Variants in BEND7 observed in about 807,000 individuals in gnomAD.
The protein encoded by BEND7 is BEN domain containing 7.
A neutral mutation model predicts 50.9 loss-of-function variants in BEND7; 28 were observed. The observed-to-expected ratio is 0.55, with a 90% CI of 0.41 to 0.75. The LOEUF (loss-of-function observed/expected upper bound fraction) is 0.75. Among genes scored for constraint, BEND7 ranks in the 30% least tolerant of loss-of-function variants. The probability of loss-of-function intolerance (pLI) is 0.00; values close to 1 mark genes in which losing one functional copy is unlikely to be tolerated. For synonymous variants in BEND7, 170 were observed against 183.9 expected (o/e 0.92, Z 0.61); for missense variants, 477 against 491.3 (o/e 0.97, Z 0.28).
intron 5 of BEND7, among the ~76,000 whole-genome samples, chr10:13,489,973 A>G (rs2076530813): frequency 6.6e-6 from 1 of 152,228 alleles, no homozygotes; most frequent in African/African-American, 2.4e-5. Context: ...CATATACTCT[A>G]TCTCATTTGA....
intron 6 of BEND7, 140 bp from the exon 7 acceptor site, chr10:13,452,798 T>C (rs1838060330): frequency 5.3e-6 from 4 of 747,664 alleles, no homozygotes; most frequent in South Asian, 2.4e-5. Flanking sequence ...GGTATCTGTA[T>C]TATATTTGTT....
At chr10:13,440,292 G>C (rs1835162762), downstream of BEND7, among the ~76,000 whole-genome samples, 1 of 152,200 alleles carries the variant, frequency 6.6e-6, no homozygotes, top group South Asian at 2.1e-4. Flanking sequence ...CTGACACAAG[G>C]GACCCCAGGA....
At chr10:13,482,438 T>C (rs990431985) in intron 5 of BEND7, among the ~76,000 whole-genome samples, 1 of 152,232 alleles carries the variant, frequency 6.6e-6, no homozygotes, top group Non-Finnish European at 1.5e-5. Flanking sequence ...TGCTTTGCAG[T>C]TTCTAATCAC....
chr10:13,527,969 C>G (rs1027245216), intron 1 of BEND7: 1 of 356,198 alleles, frequency 2.8e-6, no homozygotes, highest in Non-Finnish European at 3.9e-6. Context: ...AATCAGCTAG[C>G]TAGAGATGTT....
chr10:13,511,303 T>G (rs1589025863), intron 2 of BEND7: 1 of 152,344 alleles, frequency 6.6e-6, no homozygotes. Context: ...CTAACTAACT[T>G]CAGACCAGCT....
At chr10:13,445,824 CAGG>C (rs1367108605) in intron 8 of BEND7, 4 of 152,184 alleles carry the variant, frequency 2.6e-5, no homozygotes, top group Non-Finnish European at 5.9e-5. Flanking sequence ...TCACATGACA[CAGG>C]AGGACAGGCA....
At chr10:13,501,599 C>A (rs1588978204) in intron 2 of BEND7, among the ~76,000 whole-genome samples, 2 of 151,976 alleles carry the variant, frequency 1.3e-5, no homozygotes, top group East Asian at 3.9e-4. Context: ...GTAATCCCAG[C>A]CCTTCGGGAG....
intron 2 of BEND7, among the ~76,000 whole-genome samples, chr10:13,518,410 T>C (rs2078852384): frequency 6.6e-6 from 1 of 152,242 alleles, no homozygotes; most frequent in Non-Finnish European, 1.5e-5. Context: ...CTAAGGTTTG[T>C]TGGTGTGATC....
At chr10:13,500,588 C>T (rs1219753053) in intron 2 of BEND7, 1 of 987,892 alleles carries the variant, frequency 1.0e-6, no homozygotes, top group Non-Finnish European at 1.2e-6. Flanking sequence ...TCACTACTGA[C>T]ACAATGTCCT....
chr10:13,523,429 G>A (rs946859), intron 2 of BEND7, among the ~76,000 whole-genome samples: 69,362 of 152,068 alleles, frequency 0.46, 16,718 homozygotes, highest in African/African-American at 0.58. Flanking sequence ...GGGAACCTCT[G>A]CCACATTCTA....
intron 6 of BEND7, among the ~76,000 whole-genome samples, chr10:13,461,048 G>T (rs1012914263): frequency 2.0e-5 from 3 of 152,220 alleles, no homozygotes; most frequent in Admixed American, 2.0e-4. Flanking sequence ...CAGCCAAGGG[G>T]CACCTCACCC....
intron 6 of BEND7, among the ~76,000 whole-genome samples, chr10:13,463,721 A>G (rs1209605715): frequency 6.6e-6 from 1 of 152,248 alleles, no homozygotes; most frequent in East Asian, 1.9e-4. Context: ...AAGCATGAAG[A>G]GAATCCATCT....
At chr10:13,483,852 G>A (rs900602542) in intron 5 of BEND7, among the ~76,000 whole-genome samples, 1 of 152,182 alleles carries the variant, frequency 6.6e-6, no homozygotes, top group Admixed American at 6.5e-5. Context: ...GGCTCTTGGG[G>A]CTCAGGAGGG....
chr10:13,500,754 C>G lies in BEND7; in HGVS notation c.146-674G>C, dbSNP rs145929051. The G allele has an allele frequency of 4.1e-3, 4,040 of 985,476 alleles. 118 individuals are homozygous for G. The African/African-American group carries it at 0.064, about 15-fold the overall frequency. The allele number at this position is 985,476 out of a possible 1,614,324, so 61.0% of individuals were successfully genotyped here. A position where few individuals can be genotyped will look rare whatever the true frequency, so the allele number is the denominator to read the frequency against. ...TGGCAAGCGAGGGGGTTTTGTCTTTCTGGCACTCTGACTCCCATCACATCA... is the reference window on the plus strand; with the variant it reads ...TGGCAAGCGAGGGGGTTTTGTCTTTGTGGCACTCTGACTCCCATCACATCA... On this transcript the variant is annotated intron_variant, in intron 2 of 8. Coordinates refer to ENST00000466271, the MANE Select transcript of BEND7 (RefSeq NM_001369863.1).
chr10:13,452,391 G>T, intron 7 of BEND7, 148 bp downstream of exon 7: 1 of 865,354 alleles, frequency 1.2e-6, no homozygotes. Context: ...ATTTGAATAA[G>T]ACTTTAAGAG....
intron 6 of BEND7, chr10:13,480,677 A>C: frequency 1.0e-6 from 1 of 985,250 alleles, no homozygotes; most frequent in Non-Finnish European, 1.2e-6. Context: ...CTGGCTCTTA[A>C]ATTATTATTT....
chr10:13,450,659 G>A (rs539133126), intron 7 of BEND7, among the ~76,000 whole-genome samples: 6 of 152,214 alleles, frequency 3.9e-5, no homozygotes, highest in South Asian at 2.1e-4. Context: ...CAAGGGAGCC[G>A]ATCACAAGTA....
At chr10:13,449,136 A>G (rs1206637963) in intron 7 of BEND7, among the ~76,000 whole-genome samples, 1 of 152,152 alleles carries the variant, frequency 6.6e-6, no homozygotes, top group East Asian at 1.9e-4. Context: ...GAAAGGCTTT[A>G]GGTATTTTAA....
chr10:13,463,573 C>T (rs542998703), intron 6 of BEND7, among the ~76,000 whole-genome samples: 1 of 152,062 alleles, frequency 6.6e-6, no homozygotes, highest in South Asian at 2.1e-4. Flanking sequence ...CTCTACCTCA[C>T]ATTTAGGTAA....
Sources: allele counts gnomAD v4.1 joint callset (sites outside exome capture counted in the v4.1 genomes callset), GRCh38; gene constraint gnomAD v4.1.1; transcripts MANE v1.5; gene names NCBI Gene and HGNC (gene_info 2026-07-23, HGNC 2026-07-21).